Variants in ZC3H12B observed in about 807,000 individuals in gnomAD.
ZC3H12B encodes zinc finger CCCH-type containing 12B.
A neutral mutation model predicts 43.9 loss-of-function variants in ZC3H12B; 7 were observed. That is an observed-to-expected ratio of 0.16 (90% CI 0.09 to 0.30). ZC3H12B has a LOEUF of 0.30. ZC3H12B is among the 10% of genes least tolerant of loss of function. The probability of loss-of-function intolerance (pLI) is 1.00; values close to 1 mark genes in which losing one functional copy is unlikely to be tolerated. For synonymous variants in ZC3H12B, 222 were observed against 241.7 expected, an observed-to-expected ratio of 0.92 and a Z score of 0.76; for missense variants, 475 against 670.2, an observed-to-expected ratio of 0.71 and a Z score of 3.22.
At chrX:65,064,635 G>A in the ZC3H12B span, among the ~76,000 whole-genome samples, 1 of 111,756 alleles carries the variant, frequency 8.9e-6, no homozygotes, top group Non-Finnish European at 1.9e-5. Flanking sequence ...CTGGGGTGGA[G>A]AGTCTGTAGA....
At chrX:65,372,272 A>G (rs1348576401) in intron 2 of ZC3H12B, among the ~76,000 whole-genome samples, 4 of 111,942 alleles carry the variant, frequency 3.6e-5, no homozygotes, top group Non-Finnish European at 7.5e-5. Context: ...TGATGAGACT[A>G]TATGTAGAAG....
chrX:65,286,929 A>T, the ZC3H12B span, among the ~76,000 whole-genome samples: 1 of 111,252 alleles, frequency 9.0e-6, no homozygotes, highest in African/African-American at 3.3e-5. Context: ...TCAAAACAGT[A>T]AACAAAAAAG....
the ZC3H12B span, among the ~76,000 whole-genome samples, chrX:65,154,244 A>T: frequency 2.0e-4 from 23 of 112,474 alleles, no homozygotes; most frequent in Middle Eastern, 9.3e-3. Flanking sequence ...AATAAAATTT[A>T]AAAAAATAAA....
chrX:65,123,491 A>G, the ZC3H12B span, among the ~76,000 whole-genome samples: 2 of 110,182 alleles, frequency 1.8e-5, no homozygotes, highest in Non-Finnish European at 3.8e-5. Flanking sequence ...TTTGAATACC[A>G]TGTTTTTTTT....
chrX:65,244,762 A>G, the ZC3H12B span, among the ~76,000 whole-genome samples: 1 of 107,636 alleles, frequency 9.3e-6, no homozygotes, highest in Non-Finnish European at 1.9e-5. Context: ...GAAAACGCAA[A>G]TTGTTTGAAG....
the ZC3H12B span, among the ~76,000 whole-genome samples, chrX:65,346,918 G>A: frequency 3.6e-5 from 4 of 112,474 alleles, no homozygotes; most frequent in Non-Finnish European, 7.5e-5. Flanking sequence ...TCTGAAGAGA[G>A]CAGCGGACCT....
chrX:65,410,107 G>GAA (rs35885886), intron 3 of ZC3H12B, among the ~76,000 whole-genome samples: 46 of 45,529 alleles, frequency 1.0e-3, no homozygotes, highest in Admixed American at 2.5e-3. Flanking sequence ...TATTAAATCA[G>GAA]AAAAAAAAAA....
At chrX:65,450,789 G>A (rs1028771697) in intron 3 of ZC3H12B, among the ~76,000 whole-genome samples, 1 of 61,779 alleles carries the variant, frequency 1.6e-5, no homozygotes, top group Non-Finnish European at 2.8e-5. Context: ...GTGTATATAT[G>A]TATATATATA....
At chrX:65,112,129 G>A in the ZC3H12B span, among the ~76,000 whole-genome samples, 1 of 112,103 alleles carries the variant, frequency 8.9e-6, no homozygotes, top group South Asian at 3.6e-4. Context: ...TTGGTGGTAG[G>A]AAGAAACTTC....
intron 3 of ZC3H12B, among the ~76,000 whole-genome samples, chrX:65,465,965 G>C (rs181320437): frequency 9.1e-6 from 1 of 110,000 alleles, no homozygotes; most frequent in East Asian, 2.8e-4. Flanking sequence ...AAGCTAATTA[G>C]CATATCCATC....
At chrX:65,410,561 A>G (rs185913081) in intron 3 of ZC3H12B, among the ~76,000 whole-genome samples, 44 of 111,966 alleles carry the variant, frequency 3.9e-4, no homozygotes, top group African/African-American at 1.4e-3. Context: ...TTTGCACACC[A>G]TGCATCAGAC....
the ZC3H12B span, among the ~76,000 whole-genome samples, chrX:65,318,779 G>T: frequency 9.1e-6 from 1 of 110,029 alleles, no homozygotes; most frequent in African/African-American, 3.3e-5. Context: ...TTTTTGTTGG[G>T]ATTTTTTTTT....
intron 3 of ZC3H12B, among the ~76,000 whole-genome samples, chrX:65,479,957 G>A (rs2068044106): frequency 8.9e-6 from 1 of 112,280 alleles, no homozygotes; most frequent in Non-Finnish European, 1.9e-5. Flanking sequence ...AGAGGATGAA[G>A]TAAAGTTACA....
intron 3 of ZC3H12B, among the ~76,000 whole-genome samples, chrX:65,461,351 G>A (rs769053589): frequency 1.2e-4 from 14 of 112,167 alleles, no homozygotes; most frequent in Admixed American, 3.8e-4. Context: ...TCCCATTACT[G>A]GGTATATAAC....
chrX:65,269,497 T>G, the ZC3H12B span, among the ~76,000 whole-genome samples: 1 of 110,359 alleles, frequency 9.1e-6, no homozygotes, highest in East Asian at 2.8e-4. Context: ...GGAATAAATT[T>G]TATTTTTATT....
chrX:65,212,496 T>C, the ZC3H12B span, among the ~76,000 whole-genome samples: 11 of 69,566 alleles, frequency 1.6e-4, no homozygotes, highest in Admixed American at 2.7e-3. Flanking sequence ...TATTATATAA[T>C]ATACATATTA....
At chrX:65,118,891 C>T in the ZC3H12B span, among the ~76,000 whole-genome samples, 2 of 104,265 alleles carry the variant, frequency 1.9e-5, no homozygotes, top group South Asian at 4.6e-4. Flanking sequence ...TGAGTGAGAA[C>T]ATGCGGTGTT....
At chrX:65,062,984 T>A in the ZC3H12B span, among the ~76,000 whole-genome samples, 1 of 111,832 alleles carries the variant, frequency 8.9e-6, no homozygotes, top group African/African-American at 3.3e-5. Flanking sequence ...TGTTTAGAAA[T>A]GCTTGTGATT....
the ZC3H12B span, among the ~76,000 whole-genome samples, chrX:65,151,940 T>A: frequency 2.7e-5 from 3 of 111,797 alleles, no homozygotes; most frequent in East Asian, 2.8e-4. Flanking sequence ...CGCAAATCAA[T>A]AACTGTAATC....
Sources: allele counts gnomAD v4.1 joint callset (sites outside exome capture counted in the v4.1 genomes callset), GRCh38; gene constraint gnomAD v4.1.1; transcripts MANE v1.5; gene names NCBI Gene and HGNC (gene_info 2026-07-23, HGNC 2026-07-21).